Variants in ZNF761 observed in about 807,000 individuals in gnomAD.
ZNF761 encodes the protein zinc finger protein 761.
ZNF761 carries 43 observed loss-of-function variants against 59.9 expected under a neutral mutation model. That is an observed-to-expected ratio of 0.72 (90% CI 0.56 to 0.92). The LOEUF (loss-of-function observed/expected upper bound fraction) is 0.92, where lower values mean the gene tolerates loss of function less well. ZNF761 is among the 40% of genes least tolerant of loss of function. ZNF761 has a pLI of 0.00. For synonymous variants in ZNF761, 294 were observed against 304.8 expected, an observed-to-expected ratio of 0.96 and a Z score of 0.37; for missense variants, 850 against 906.1, an observed-to-expected ratio of 0.94 and a Z score of 0.79.
Position 53,455,396 on chromosome 19 carries a change from C to T in ZNF761, c.889C>T (p.Pro297Ser). The change falls in exon 5 of 5, where the codon CCT becomes TCT. Residue 297 changes from proline to serine, a missense_variant. By Grantham distance (74) the Pro-to-Ser change is moderately conservative (BLOSUM62 -1). Coordinates refer to ENST00000684525, the MANE Select transcript of ZNF761 (RefSeq NM_001289951.2). Reference sequence around the variant, plus strand: ...TCGTAGACTTCATACTGGAGAGAAACCTTACAAATGTGAAGAATGTGACAA... The same window carrying T: ...TCGTAGACTTCATACTGGAGAGAAATCTTACAAATGTGAAGAATGTGACAA... ...CHRRLHTGEK[P>S]YKCEECDKAF... 1.2e-6 allele frequency: 2 copies of T among 1,613,786 alleles called. No homozygotes were observed. Among genetic ancestry groups the T allele is most frequent in the Non-Finnish European group, 8.5e-7 (1 of 1,179,972 alleles).
Position 53,456,219 on chromosome 19 carries a change from T to C in ZNF761, c.1712T>C (p.Leu571Pro), listed in dbSNP as rs773394568. The change falls in exon 5 of 5, where the codon CTT (leucine) becomes CCT (proline). Residue 571 changes from leucine (L) to proline (P), a missense_variant. Physicochemically the swap from Leu to Pro is moderately conservative, Grantham distance 98. Transcript: ENST00000684525. ...TTAACCCTTAAACGCCATCGTAGAC[T>C]TCATAGTGGAGAGAACCCTTACAAA... ...QQLTLKRHRRLHSGENPYKCE... is the reference protein window; with the variant it reads ...QQLTLKRHRRPHSGENPYKCE... 1 of 1,613,694 alleles carries C rather than the reference T, an allele frequency of 6.2e-7. No homozygotes were observed. Among genetic ancestry groups the C allele is most frequent in the African/African-American group, 1.3e-5 (1 of 74,906 alleles).
At position 53,455,341 on chromosome 19, in the gene ZNF761, C is replaced by T. The variant is rs778985315; in HGVS notation, c.834C>T (p.Thr278=). 6.2e-7 allele frequency: 1 copy of T among 1,614,160 alleles called. No individual in the cohort carries two copies. Among genetic ancestry groups the T allele is most frequent in the South Asian group, 1.1e-5 (1 of 91,074 alleles). The change falls in exon 5 of 5, where the codon ACC becomes ACT. Residue 278 remains threonine (T), a synonymous_variant. Transcript: ENST00000684525. ...NPYKCNECGK[T]FSQTSSLTCH... ...ACAAGTGTAATGAGTGTGGCAAGAC[C>T]TTCAGTCAGACGTCATCCCTTACAT...
Position 53,455,275 on chromosome 19 carries a change from C to T in ZNF761, c.768C>T (p.Asn256=). ...GCAAGCTCTTTAATCAGAAGCGAAA[C>T]CTAGCATGCCATCGTAGATGTCACA... is the stretch of plus-strand genomic sequence containing the variant. ...VCGKLFNQKR[N]LACHRRCHTG... Residue 256 remains asparagine, a synonymous_variant, in exon 5 of 5, where the codon AAC becomes AAT. Transcript: ENST00000684525. The T allele has an allele frequency of 6.2e-7, 1 of 1,614,170 alleles. No homozygotes were observed. Among genetic ancestry groups the T allele is most frequent in the African/African-American group, 1.3e-5 (1 of 75,056 alleles).
intron 3 of ZNF761, among the ~76,000 whole-genome samples, chr19:53,448,398 G>T (rs192399031): frequency 6.6e-6 from 1 of 152,256 alleles, no homozygotes; most frequent in Admixed American, 6.5e-5. Context: ...CTGCAGCTTA[G>T]ATTTTTTGCC....
In ZNF761 at chr19:53,455,535, G is replaced by A. The variant is rs572339785; in HGVS notation, c.1028G>A (p.Arg343His). The change falls in exon 5 of 5, where the codon CGC (arginine) becomes CAC (histidine). Residue 343 changes from arginine to histidine, a missense_variant. By Grantham distance (29) the Arg-to-His change is conservative. Coordinates refer to ENST00000684525, the MANE Select transcript of ZNF761 (RefSeq NM_001289951.2). ...KTFRQKSILT[R>H]HHRLHTGEKP... ...TTTAGGCAGAAGTCAATCCTTACAC[G>A]CCATCATCGACTTCATACTGGAGAG... 6.6e-5 allele frequency: 106 copies of A among 1,613,018 alleles called. 1 individual carries two copies. The highest frequency in any genetic ancestry group is 1.7e-4 in the Middle Eastern group (1 of 6,052).
At position 53,447,235 on chromosome 19, in the gene ZNF761, C is replaced by T. The variant is rs1159031977; in HGVS notation, c.-34C>T. The stretch of plus-strand genomic sequence containing the variant: ...GACTCTTGGTACGTGAGGAAGAAAC[C>T]CGGAAGAGGAAGAGGAGAGCAAAGG... On this transcript the variant is annotated 5_prime_UTR_variant, in exon 3 of 5. Transcript: ENST00000684525. 6.2e-7 allele frequency: 1 copy of T among 1,609,916 alleles called. No individual in the cohort carries two copies. The highest frequency in any genetic ancestry group is 8.5e-7 in the Non-Finnish European group (1 of 1,178,244).
chr19:53,456,616 A>T lies in ZNF761; in HGVS notation c.2109A>T (p.Ser703=). ...NECGKNFSQK[S]SLICHHRLHT... is the part of the protein sequence containing the mutation. ...GTGGCAAGAACTTTAGTCAGAAGTCATCCCTTATATGCCACCATAGACTTC... is the reference window on the plus strand; with the variant it reads ...GTGGCAAGAACTTTAGTCAGAAGTCTTCCCTTATATGCCACCATAGACTTC... The change falls in exon 5 of 5, where the codon TCA becomes TCT. Residue 703 remains serine, a synonymous_variant. Transcript: ENST00000684525. The T allele has an allele frequency of 1.2e-6, 2 of 1,613,672 alleles. No individual in the cohort carries two copies. The highest frequency in any genetic ancestry group is 2.2e-5 in the South Asian group (2 of 91,032).
At chr19:53,441,985 C>T in intron 1 of ZNF761, 2 of 1,345,702 alleles carry the variant, frequency 1.5e-6, no homozygotes, top group East Asian at 4.6e-5. Context: ...AAAGGTGGGC[C>T]TGGGAACAGG....
rs746977046 is a variant in ZNF761, at chr19:53,455,533, A to C, written c.1026A>C (p.Thr342=). The change falls in exon 5 of 5, where the codon ACA becomes ACC. Residue 342 remains threonine, a synonymous_variant. Transcript: ENST00000684525. ...CCTTTAGGCAGAAGTCAATCCTTAC[A>C]CGCCATCATCGACTTCATACTGGAG... is the stretch of plus-strand genomic sequence containing the variant. ...GKTFRQKSIL[T]RHHRLHTGEK... is the part of the protein sequence containing the mutation. 6.2e-7 allele frequency: 1 copy of C among 1,613,084 alleles called. No homozygotes were observed. Among genetic ancestry groups the C allele is most frequent in the African/African-American group, 1.3e-5 (1 of 75,020 alleles).
intron 3 of ZNF761, among the ~76,000 whole-genome samples, 167 bp downstream of exon 3, chr19:53,447,450 G>C (rs535309429): frequency 6.6e-6 from 1 of 152,064 alleles, no homozygotes; most frequent in African/African-American, 2.4e-5. Context: ...TCCATCTCTC[G>C]TGATCCAGTG....
At chr19:53,438,602 A>G (rs1197325303) in intron 1 of ZNF761, among the ~76,000 whole-genome samples, 1 of 152,176 alleles carries the variant, frequency 6.6e-6, no homozygotes, top group South Asian at 2.1e-4. Context: ...GTGGCGTCAT[A>G]TAACAGCTTA....
rs551197939 is a variant in ZNF761 at position 53,440,718 on chromosome 19, G to A, written c.-184-5509G>A. On this transcript the variant is annotated intron_variant, in intron 1 of 4. Transcript: ENST00000684525. Reference sequence around the variant, plus strand: ...ATTTTGAGACAGGGCTGGCTCTATCGCCCAGGATGGAGTGCAGCATGATCT... The same window carrying A: ...ATTTTGAGACAGGGCTGGCTCTATCACCCAGGATGGAGTGCAGCATGATCT... Among the ~76,000 whole-genome samples, 25 of 151,984 alleles carry A rather than the reference G, an allele frequency of 1.6e-4. No homozygotes were observed. In the East Asian group the frequency reaches 1.7e-3, roughly 11 times the overall value.
intron 1 of ZNF761, among the ~76,000 whole-genome samples, chr19:53,433,912 A>G (rs1402357677): frequency 6.6e-6 from 1 of 152,186 alleles, no homozygotes; most frequent in East Asian, 1.9e-4. Flanking sequence ...TTTCATTCTT[A>G]CAGTTATTTC....
Position 53,457,181 on chromosome 19 carries a change from CT to C in ZNF761, c.*435del. The C allele has an allele frequency of 2.0e-6, 1 of 507,562 alleles. No individual in the cohort carries two copies. The highest frequency in any genetic ancestry group is 4.0e-6 in the Non-Finnish European group (1 of 252,986). 31.4% of individuals were successfully genotyped at this position (507,562 alleles called of 1,614,324 possible). On this transcript the variant is annotated 3_prime_UTR_variant, in exon 5 of 5. Coordinates refer to ENST00000684525, the MANE Select transcript of ZNF761 (RefSeq NM_001289951.2). ...ACTAAGGTAATGATTGTCACAAAGT[CT>C]TCAGTAATGCTACAACCATTGTGAA...
At chr19:53,448,189 C>T (rs117951416) in intron 3 of ZNF761, among the ~76,000 whole-genome samples, 9,203 of 152,076 alleles carry the variant, frequency 0.061, 404 homozygotes, top group East Asian at 0.2. Flanking sequence ...TTTTTATTAG[C>T]GACGGGTATC....
intron 4 of ZNF761, 44 bp downstream of exon 4, chr19:53,449,682 A>G: frequency 6.3e-7 from 1 of 1,591,652 alleles, no homozygotes; most frequent in Non-Finnish European, 8.5e-7. Flanking sequence ...GCCCTTGTGT[A>G]TCTTTGTATT....
chr19:53,442,879 GAA>G (rs35108555), intron 1 of ZNF761: 87 of 376,570 alleles, frequency 2.3e-4, no homozygotes, highest in Non-Finnish European at 3.5e-4. Context: ...ATCATGTTGT[GAA>G]AAAAAAAATA....
At position 53,455,814 on chromosome 19, in the gene ZNF761, AT is replaced by A. The variant is rs752343179; in HGVS notation, c.1308del (p.Asn436LysfsTer128). 14 of 1,614,124 alleles carry A rather than the reference AT, an allele frequency of 8.7e-6. No homozygotes were observed. The highest frequency in any genetic ancestry group is 1.2e-5 in the Non-Finnish European group (14 of 1,179,994). ...EIHRKIHTED[N>X]AYKCNECGKT... is the part of the protein sequence containing the mutation. ...CATCGGAAAATTCATACTGAAGACA[AT>A]GCTTACAAGTGTAATGAGTGTGGAA... On this transcript the variant is annotated frameshift_variant, in exon 5 of 5. Coordinates refer to ENST00000684525, the MANE Select transcript of ZNF761 (RefSeq NM_001289951.2). LOFTEE classifies it high-confidence loss of function.
intron 4 of ZNF761, among the ~76,000 whole-genome samples, chr19:53,450,688 A>G (rs1307149237): frequency 6.6e-6 from 1 of 151,996 alleles, no homozygotes; most frequent in Non-Finnish European, 1.5e-5. Flanking sequence ...CACCGCAGCC[A>G]GCTCCGCCTC....
Sources: gnomAD v4.1 joint callset for allele counts (sites outside exome capture counted in the v4.1 genomes callset) on GRCh38, gnomAD v4.1.1 for gene constraint, MANE v1.5 for transcripts, NCBI Gene and HGNC (gene_info 2026-07-23, HGNC 2026-07-21) for gene names.